The following PCDHGA1 variants were observed in gnomAD, a reference collection of about 807,000 sequenced individuals.
The protein encoded by PCDHGA1 is protocadherin gamma-A1.
A neutral mutation model predicts 58.0 loss-of-function variants in PCDHGA1; 32 were observed. The ratio of observed to expected loss-of-function variants is 0.55; its 90% CI spans 0.42 to 0.74. The LOEUF (loss-of-function observed/expected upper bound fraction) is 0.74, where lower values mean the gene tolerates loss of function less well. PCDHGA1 is among the 30% of genes least tolerant of loss of function. The probability of loss-of-function intolerance (pLI) is 0.00; values close to 1 mark genes in which losing one functional copy is unlikely to be tolerated. For missense variants in PCDHGA1, 1,205 were observed against 1,182.3 expected, an observed-to-expected ratio of 1.02 and a Z score of -0.28; for synonymous variants, 498 against 501.1, an observed-to-expected ratio of 0.99 and a Z score of 0.08.
chr5:141,448,803 G>A (rs2098607666), intron 1 of PCDHGA1, among the ~76,000 whole-genome samples: 2 of 152,020 alleles, frequency 1.3e-5, no homozygotes, highest in South Asian at 4.1e-4. Flanking sequence ...AAATTAGCCA[G>A]GCGTGATGGC....
At chr5:141,374,701 C>T (rs781441820) in intron 1 of PCDHGA1, 2 of 1,608,962 alleles carry the variant, frequency 1.2e-6, no homozygotes, top group East Asian at 2.2e-5. Context: ...AAGGAGAAGC[C>T]GTTTACCGCC....
At chr5:141,399,115 GA>G in intron 1 of PCDHGA1, 3 of 1,613,814 alleles carry the variant, frequency 1.9e-6, no homozygotes, top group Non-Finnish European at 2.5e-6. Context: ...ATGTACAGTT[GA>G]AATTAATATT....
chr5:141,402,402 T>TTAAGATAC (rs1275769528), intron 1 of PCDHGA1, among the ~76,000 whole-genome samples: 2 of 152,012 alleles, frequency 1.3e-5, no homozygotes, highest in South Asian at 4.1e-4. Context: ...CAGAAAATTG[T>TTAAGATAC]TAAGATACAC....
intron 1 of PCDHGA1, among the ~76,000 whole-genome samples, chr5:141,373,541 T>A (rs1769670522): frequency 6.6e-6 from 1 of 152,216 alleles, no homozygotes. Context: ...TGTTTGTGGT[T>A]GTTGGTACCC....
At chr5:141,470,648 C>T (rs1188305813) in intron 1 of PCDHGA1, among the ~76,000 whole-genome samples, 1 of 152,066 alleles carries the variant, frequency 6.6e-6, no homozygotes, top group Non-Finnish European at 1.5e-5. Context: ...TTTGAAGGCC[C>T]CTACCCTTTG....
chr5:141,373,242 C>T (rs1241005147), intron 1 of PCDHGA1, among the ~76,000 whole-genome samples: 1 of 152,106 alleles, frequency 6.6e-6, no homozygotes, highest in Non-Finnish European at 1.5e-5. Context: ...TTTTTACTTC[C>T]CTTTGCATGT....
chr5:141,361,612 G>T (rs1485952478), intron 1 of PCDHGA1: 6 of 1,613,866 alleles, frequency 3.7e-6, no homozygotes, highest in Non-Finnish European at 5.1e-6. Context: ...CTCCATCGTA[G>T]CGAGCGACCT....
rs749007839 is a variant in PCDHGA1 at position 141,418,069 on chromosome 5, G to A, written c.2422-76738G>A. On this transcript the variant is annotated intron_variant, in intron 1 of 3. Coordinates refer to ENST00000517417, the MANE Select transcript of PCDHGA1 (RefSeq NM_018912.3). ...CGGCTCGCGAGCTGCGAGTGAGCGC[G>A]GAGAAGCTGCACTTCAGCGTAGACG... 1.7e-5 allele frequency: 28 copies of A among 1,613,926 alleles called. 1 individual carries two copies. The Middle Eastern group carries it at 9.9e-4, about 57-fold the overall frequency.
At chr5:141,400,929 A>G (rs1179035412) in intron 1 of PCDHGA1, among the ~76,000 whole-genome samples, 2 of 152,214 alleles carry the variant, frequency 1.3e-5, no homozygotes, top group Non-Finnish European at 2.9e-5. Flanking sequence ...CTGCTAGTAG[A>G]TGTCTTTCTT....
At chr5:141,341,724 A>AT (rs1302337809) in intron 1 of PCDHGA1, 14 of 440,948 alleles carry the variant, frequency 3.2e-5, no homozygotes, top group Non-Finnish European at 4.8e-5. Context: ...CAGATCAACA[A>AT]TTTTTTCTTT....
chr5:141,464,970 G>A (rs550643230), intron 1 of PCDHGA1, among the ~76,000 whole-genome samples: 1 of 152,028 alleles, frequency 6.6e-6, no homozygotes, highest in East Asian at 1.9e-4. Flanking sequence ...TTGAACTACT[G>A]GCTTCAAGTG....
chr5:141,444,565 C>G (rs2098441175), intron 1 of PCDHGA1, among the ~76,000 whole-genome samples: 1 of 152,124 alleles, frequency 6.6e-6, no homozygotes, highest in Non-Finnish European at 1.5e-5. Flanking sequence ...TTATTTGACA[C>G]TTTTGACTCT....
chr5:141,418,153 G>A (rs1561771797), intron 1 of PCDHGA1: 2 of 1,614,086 alleles, frequency 1.2e-6, no homozygotes, highest in East Asian at 2.2e-5. Context: ...TATGCAAAGA[G>A]AGAAGAAGAT....
intron 1 of PCDHGA1, among the ~76,000 whole-genome samples, chr5:141,465,396 C>A (rs2099102528): frequency 6.6e-6 from 1 of 152,054 alleles, no homozygotes; most frequent in Admixed American, 6.6e-5. Context: ...AAAAACAAGT[C>A]AGAAGAAGCC....
intron 1 of PCDHGA1, among the ~76,000 whole-genome samples, chr5:141,424,964 A>G (rs62378457): frequency 0.11 from 16,148 of 152,126 alleles, 960 homozygotes; most frequent in African/African-American, 0.17. Flanking sequence ...ATTTGCCCCA[A>G]ATTACTTGGA....
chr5:141,423,609 A>G lies in PCDHGA1; in HGVS notation c.2422-71198A>G, dbSNP rs748925693. The G allele has an allele frequency of 5.0e-6, 8 of 1,611,572 alleles. No homozygotes were observed. The South Asian group carries it at 7.7e-5, about 16-fold the overall frequency. ...GTGAGAAAAGCGAGCCACTCTTGAT[A>G]GCTGAAGACTCAGCTATCATTTTAG... On this transcript the variant is annotated intron_variant, in intron 1 of 3. Transcript: ENST00000517417.
intron 1 of PCDHGA1, among the ~76,000 whole-genome samples, chr5:141,456,006 T>C (rs909931677): frequency 6.6e-6 from 1 of 151,852 alleles, no homozygotes; most frequent in Non-Finnish European, 1.5e-5. Flanking sequence ...CATGCCATTC[T>C]CCTGCCTCAG....
At chr5:141,482,345 T>G (rs192115752) in intron 1 of PCDHGA1, among the ~76,000 whole-genome samples, 8 of 152,122 alleles carry the variant, frequency 5.3e-5, no homozygotes, top group Admixed American at 5.2e-4. Context: ...CTTTGCAAAC[T>G]TGTTGTGAGA....
intron 1 of PCDHGA1, among the ~76,000 whole-genome samples, chr5:141,443,085 G>A (rs991288098): frequency 3.9e-5 from 6 of 151,916 alleles, no homozygotes; most frequent in Admixed American, 2.6e-4. Flanking sequence ...GAGTGTTCCA[G>A]TCTCCTTCTC....
Sources: allele counts gnomAD v4.1 joint callset (sites outside exome capture counted in the v4.1 genomes callset), GRCh38; gene constraint gnomAD v4.1.1; transcripts MANE v1.5; gene names NCBI Gene and HGNC (gene_info 2026-07-23, HGNC 2026-07-21).